TTN: variants seen among roughly 807,000 people sequenced by gnomAD.
The protein encoded by TTN is connectin.
Under a neutral mutation model 3,223.0 loss-of-function variants are expected in TTN, and 1,525 were observed. The ratio of observed to expected loss-of-function variants is 0.47; its 90% CI spans 0.45 to 0.49. The LOEUF (loss-of-function observed/expected upper bound fraction) is 0.49, where lower values mean the gene tolerates loss of function less well. Ranked by LOEUF, TTN falls within the 20% of genes least tolerant of loss-of-function variation. TTN has a pLI of 0.00. For missense variants in TTN, 40,786 were observed against 43,424.0 expected (o/e 0.94, Z 5.40); for synonymous variants, 14,094 against 15,161.0 (o/e 0.93, Z 5.17).
chr2:178,592,197 C>T lies in TTN; in HGVS notation c.59707G>A (p.Asp19903Asn), dbSNP rs374163882. The T allele has an allele frequency of 3.1e-6, 5 of 1,612,134 alleles. No individual in the cohort carries two copies. Among genetic ancestry groups the T allele is most frequent in the Non-Finnish European group, 2.5e-6 (3 of 1,179,034 alleles). ...SCYLTWKEPL[D>N]DGGSVITNYV... ...TTGGTAATAACAGAACCACCATCATCCAGTGGTTCTTTCCAAGTAAGGTAA... is the reference window on the plus strand; with the variant it reads ...TTGGTAATAACAGAACCACCATCATTCAGTGGTTCTTTCCAAGTAAGGTAA... The change falls in exon 302 of 363, where the codon GAT becomes AAT. Residue 19903 changes from aspartate to asparagine, a missense_variant. Coordinates refer to ENST00000589042, the MANE Select transcript of TTN (RefSeq NM_001267550.2).
intron 49 of TTN, among the ~76,000 whole-genome samples, chr2:178,736,789 A>G (rs2081523574): frequency 1.3e-5 from 2 of 152,168 alleles, no homozygotes; most frequent in South Asian, 4.1e-4. Context: ...AATATCATGT[A>G]CTTGGTTTTA....
chr2:178,684,607 A>G (rs2070336905), intron 131 of TTN, 59 bp downstream of exon 131: 1 of 1,536,378 alleles, frequency 6.5e-7, no homozygotes, highest in African/African-American at 1.4e-5. Flanking sequence ...GAACAGCAGC[A>G]GAGAGAAAGA....
In TTN at chr2:178,650,933, G is replaced by A. The variant is rs1394434553; in HGVS notation, c.39626-99C>T. Reference sequence around the variant, plus strand: ...ATTTTGCTCAAATAACCCAGGGACAGATCCAAGAACAAATTTCACAATAAG... The same window carrying A: ...ATTTTGCTCAAATAACCCAGGGACAAATCCAAGAACAAATTTCACAATAAG... On this transcript the variant is annotated intron_variant, in intron 208 of 362. Transcript: ENST00000589042. 3 of 1,272,076 alleles carry A rather than the reference G, an allele frequency of 2.4e-6. No individual in the cohort carries two copies. The Admixed American group carries it at 6.0e-5, about 25-fold the overall frequency. The allele number at this position is 1,272,076 out of a possible 1,614,324, so 78.8% of individuals were successfully genotyped here.
intron 122 of TTN, 92 bp downstream of exon 122, chr2:178,689,721 A>G: frequency 1.4e-6 from 2 of 1,452,480 alleles, no homozygotes; most frequent in South Asian, 2.6e-5. Context: ...ACATTCATTT[A>G]GAATTAAACT....
intron 95 of TTN, 41 bp from the exon 96 acceptor site, chr2:178,712,263 A>G (rs548833132): frequency 1.2e-6 from 2 of 1,608,820 alleles, no homozygotes; most frequent in Non-Finnish European, 1.7e-6. Context: ...TGAAGGAGAC[A>G]TGCCAGATCA....
At chr2:178,635,749 G>C (rs368609321) in intron 226 of TTN, 34 bp from the exon 227 acceptor site, 16 of 1,567,116 alleles carry the variant, frequency 1.0e-5, no homozygotes, top group Non-Finnish European at 8.6e-7. Context: ...AAATGATTAA[G>C]GTCTGAACAA....
chr2:178,793,761 C>T (rs2093632805), intron 8 of TTN, among the ~76,000 whole-genome samples: 1 of 152,118 alleles, frequency 6.6e-6, no homozygotes, highest in Non-Finnish European at 1.5e-5. Context: ...GGTCATGCCA[C>T]TGCACTCTAG....
At chr2:178,675,875 G>A in intron 148 of TTN, 46 bp downstream of exon 148, 1 of 1,573,768 alleles carries the variant, frequency 6.4e-7, no homozygotes. Context: ...TTTTATAGGA[G>A]AAGGAAGGAA....
Position 178,612,799 on chromosome 2 carries a change from T to C in TTN, c.49922A>G (p.Asp16641Gly). The change falls in exon 265 of 363, where the codon GAC becomes GGC. Residue 16641 changes from aspartate to glycine, a missense_variant. Coordinates refer to ENST00000589042, the MANE Select transcript of TTN (RefSeq NM_001267550.2). ...AGESEPSEPSDPVLCREKLYP... is the reference protein window; with the variant it reads ...AGESEPSEPSGPVLCREKLYP... Reference sequence around the variant, plus strand: ...TAGCTTCTCCCGGCAAAGCACAGGGTCACTGGGTTCACTGGGTTCACTTTC... The same window carrying C: ...TAGCTTCTCCCGGCAAAGCACAGGGCCACTGGGTTCACTGGGTTCACTTTC... 1 of 1,611,740 alleles carries C rather than the reference T, an allele frequency of 6.2e-7. No individual in the cohort carries two copies. Among genetic ancestry groups the C allele is most frequent in the Non-Finnish European group, 8.5e-7 (1 of 1,178,938 alleles).
At position 178,619,697 on chromosome 2, in the gene TTN, A is replaced by G. The variant is rs770539716; in HGVS notation, c.46620T>C (p.Asp15540=). 10 of 1,612,208 alleles carry G rather than the reference A, an allele frequency of 6.2e-6. No homozygotes were observed. In the South Asian group the frequency reaches 8.8e-5, roughly 14 times the overall value. Residue 15540 remains aspartate (D), a synonymous_variant, in exon 250 of 363, where the codon GAT becomes GAC. Transcript: ENST00000589042. ...EGKIHRLQIC[D]IKPRDQGEYR... is the part of the protein sequence containing the mutation. The stretch of plus-strand genomic sequence containing the variant: ...ATTCACCCTGGTCACGGGGCTTAAT[A>G]TCACAAATCTGTAGTCGATGTATCT...
chr2:178,767,617 G>A, intron 40 of TTN, 142 bp downstream of exon 40: 1 of 1,184,254 alleles, frequency 8.4e-7, no homozygotes, highest in Non-Finnish European at 1.2e-6. Context: ...CAGCATAAGA[G>A]AGTCTAAGCC....
In TTN at chr2:178,573,713, C is replaced by G; in HGVS notation, c.72419G>C (p.Cys24140Ser). ...CAGTGGAGGGAACCATGATAGTACA[C>G]ACTTTTCTGATGTCACTTCAGTTAC... ...LAVTEVTSEK[C>S]VLSWFPPLDD... Residue 24140 changes from cysteine to serine, a missense_variant, in exon 326 of 363, where the codon TGT (cysteine) becomes TCT (serine). Coordinates refer to ENST00000589042, the MANE Select transcript of TTN (RefSeq NM_001267550.2). 1 of 1,546,524 alleles carries G rather than the reference C, an allele frequency of 6.5e-7. No individual in the cohort carries two copies. Among genetic ancestry groups the G allele is most frequent in the East Asian group, 2.3e-5 (1 of 44,280 alleles).
intron 43 of TTN, among the ~76,000 whole-genome samples, chr2:178,762,826 A>C (rs746241165): frequency 4.6e-5 from 7 of 152,220 alleles, no homozygotes; most frequent in Non-Finnish European, 1.0e-4. Flanking sequence ...TGGCTATAAT[A>C]AAATGAATGT....
chr2:178,631,499 T>G (rs1432909466), intron 236 of TTN, among the ~76,000 whole-genome samples, 199 bp from the exon 237 acceptor site: 1 of 152,112 alleles, frequency 6.6e-6, no homozygotes, highest in Non-Finnish European at 1.5e-5. Flanking sequence ...TATCAAGATC[T>G]AATCCATTCA....
Position 178,587,567 on chromosome 2 carries a change from G to A in TTN, c.63742C>T (p.Leu21248Phe), listed in dbSNP as rs771468174. 9 of 1,612,314 alleles carry A rather than the reference G, an allele frequency of 5.6e-6. No individual in the cohort carries two copies. The highest frequency in any genetic ancestry group is 5.9e-6 in the Non-Finnish European group (7 of 1,179,188). The change falls in exon 306 of 363, where the codon CTT (leucine) becomes TTT (phenylalanine). Residue 21248 changes from leucine to phenylalanine, a missense_variant. Physicochemically the swap from Leu to Phe is conservative, Grantham distance 22 (BLOSUM62 0). Transcript: ENST00000589042. ...GCCTTTTCTCCTGCTGGGTTCACAA[G>A]TGTTAAGGAATATTTTCCTGAGTCA... is the stretch of plus-strand genomic sequence containing the variant. The part of the protein sequence containing the change: ...RDDSGKYSLT[L>F]VNPAGEKAVF...
In TTN at chr2:178,795,088, C is replaced by G. The variant is rs56128843; in HGVS notation, c.1079G>C (p.Arg360Thr). Residue 360 changes from arginine to threonine, a missense_variant, in exon 7 of 363, where the codon AGA (arginine) becomes ACA (threonine). Transcript: ENST00000589042. ...AGTAGAGGTTGTCAGCGTTGTCTCT[C>G]TCATCTCAGCCTCAGATGAGGAGGC... ...YVASSSEAEM[R>T]ETTLTTSTQI... 5,193 of 1,614,054 alleles carry G rather than the reference C, an allele frequency of 3.2e-3. 67 individuals carry two copies. Among genetic ancestry groups the G allele is most frequent in the South Asian group, 0.022 (2,035 of 91,080 alleles).
intron 330 of TTN, chr2:178,555,507 A>T: frequency 4.7e-6 from 1 of 211,806 alleles, no homozygotes; most frequent in South Asian, 8.8e-5. Context: ...TCTTCTACGC[A>T]CCTCCTATTC....
Position 178,709,666 on chromosome 2 carries a change from C to G in TTN, c.28653G>C (p.Leu9551=), listed in dbSNP as rs876657601. 7 of 1,613,788 alleles carry G rather than the reference C, an allele frequency of 4.3e-6. No homozygotes were observed. The highest frequency in any genetic ancestry group is 5.9e-6 in the Non-Finnish European group (7 of 1,179,824). ...CGTTCATGCCTGCTTTCCTGACTTG[C>G]AGCACTAACGTGTTGTTCTTGAATG... is the stretch of plus-strand genomic sequence containing the variant. ...EITFKNNTLV[L]QVRKAGMNDA... Residue 9551 remains leucine, a synonymous_variant, in exon 99 of 363, where the codon CTG becomes CTC. Coordinates refer to ENST00000589042, the MANE Select transcript of TTN (RefSeq NM_001267550.2).
Position 178,570,925 on chromosome 2 carries a change from A to C in TTN, c.75207T>G (p.Thr25069=). The C allele has an allele frequency of 6.2e-7, 1 of 1,613,596 alleles. No individual in the cohort carries two copies. Among genetic ancestry groups the C allele is most frequent in the Non-Finnish European group, 8.5e-7 (1 of 1,179,620 alleles). Residue 25069 remains threonine (T), a synonymous_variant, in exon 326 of 363, where the codon ACT becomes ACG. Coordinates refer to ENST00000589042, the MANE Select transcript of TTN (RefSeq NM_001267550.2). ...TNIIDTHFEV[T]GLVEDHRYEF... ...CATATCTGTGATCTTCAACTAGGCC[A>C]GTTACTTCAAAATGAGTGTCAATAA...
Sources: allele counts gnomAD v4.1 joint callset (sites outside exome capture counted in the v4.1 genomes callset), GRCh38; gene constraint gnomAD v4.1.1; transcripts MANE v1.5; gene names NCBI Gene and HGNC (gene_info 2026-07-23, HGNC 2026-07-21).